Variants in KIF1B observed in about 807,000 individuals in gnomAD.
The protein encoded by KIF1B is kinesin-like protein KIF1B.
KIF1B carries 76 observed loss-of-function variants against 241.9 expected under a neutral mutation model. The ratio of observed to expected loss-of-function variants is 0.31; its 90% confidence interval spans 0.26 to 0.38. KIF1B has a LOEUF of 0.38. Among genes scored for constraint, KIF1B ranks in the 10% least tolerant of loss-of-function variants. The pLI is 1.00. For missense variants in KIF1B, 1,622 were observed against 2,271.4 expected, an observed-to-expected ratio of 0.71 and a Z score of 5.81; for synonymous variants, 750 against 796.7, an observed-to-expected ratio of 0.94 and a Z score of 0.99.
intron 7 of KIF1B, among the ~76,000 whole-genome samples, chr1:10,271,220 A>C (rs1220748813): frequency 6.0e-5 from 9 of 150,454 alleles, no homozygotes; most frequent in Admixed American, 5.3e-4. Context: ...CAAGGGTGTT[A>C]TATGTTGCCA....
intron 22 of KIF1B, among the ~76,000 whole-genome samples, chr1:10,309,372 C>T (rs1375970844): frequency 6.6e-6 from 1 of 152,168 alleles, no homozygotes; most frequent in South Asian, 2.1e-4. Flanking sequence ...TATAGGGTGA[C>T]ACAGAAGATT....
chr1:10,251,714 A>C (rs999286885), intron 2 of KIF1B, among the ~76,000 whole-genome samples: 1 of 151,824 alleles, frequency 6.6e-6, no homozygotes, highest in African/African-American at 2.4e-5. Flanking sequence ...AGCCTGGGCA[A>C]CAAGAGCAAA....
chr1:10,303,708 CGAG>C lies in KIF1B; in HGVS notation c.2115+6466_2115+6468del. 1.2e-6 allele frequency: 2 copies of C among 1,613,970 alleles called. No individual in the cohort carries two copies. Among genetic ancestry groups the C allele is most frequent in the Non-Finnish European group, 1.7e-6 (2 of 1,180,006 alleles). The stretch of plus-strand genomic sequence containing the variant: ...TCAAAAAGCAAAATAACATGAAAGA[CGAG>C]GAGATAAAAGTCTTAAGAAATAAAA... On this transcript the variant is annotated intron_variant, in intron 22 of 48. Coordinates refer to ENST00000676179, the MANE Select transcript of KIF1B (RefSeq NM_001365951.3). The surrounding 1 kb of genome is among the most constrained non-coding windows in gnomAD (Gnocchi z 5.2).
chr1:10,326,464 A>G lies in KIF1B; in HGVS notation c.2924+105A>G, dbSNP rs374049562. On this transcript the variant is annotated intron_variant, in intron 27 of 48. Coordinates refer to ENST00000676179, the MANE Select transcript of KIF1B (RefSeq NM_001365951.3). The surrounding 1 kb of genome is among the most constrained non-coding windows in gnomAD (Gnocchi z 5.2). ...AACCTTGCATTAGCCAATTCAACTC[A>G]TGAATGCTCTTTTTCAAGTTCTCCA... is the stretch of plus-strand genomic sequence containing the variant. The G allele has an allele frequency of 1.1e-4, 150 of 1,398,976 alleles. No homozygotes were observed. The African/African-American group carries it at 1.9e-3, about 18-fold the overall frequency. The allele number at this position is 1,398,976 out of a possible 1,614,324, so 86.7% of individuals were successfully genotyped here.
At position 10,378,428 on chromosome 1, in the gene KIF1B, G is replaced by C. The variant is rs1025629487; in HGVS notation, c.*1841G>C. 1 of 717,896 alleles carries C rather than the reference G, an allele frequency of 1.4e-6. No individual in the cohort carries two copies. Among genetic ancestry groups the C allele is most frequent in the Admixed American group, 2.0e-5 (1 of 50,006 alleles). The allele number at this position is 717,896 out of a possible 1,614,324, so 44.5% of individuals were successfully genotyped here. A position where few individuals can be genotyped will look rare whatever the true frequency, so the allele number is the denominator to read the frequency against. On this transcript the variant is annotated 3_prime_UTR_variant, in exon 49 of 49. Coordinates refer to ENST00000676179, the MANE Select transcript of KIF1B (RefSeq NM_001365951.3). ...GTTTTCCAGGATGAGAGGGGAAAAAGAAAGCCTCCAGTGACTTCAGTTGCT... is the reference window on the plus strand; with the variant it reads ...GTTTTCCAGGATGAGAGGGGAAAAACAAAGCCTCCAGTGACTTCAGTTGCT...
At position 10,313,710 on chromosome 1, in the gene KIF1B, C is replaced by A. The variant is rs1403525177; in HGVS notation, c.2116-6333C>A. On this transcript the variant is annotated intron_variant, in intron 22 of 48. Coordinates refer to ENST00000676179, the MANE Select transcript of KIF1B (RefSeq NM_001365951.3). ...GGACTACAGGTGCCCACCACCACAC[C>A]CGGCTAATTTTTTGTAGTTTTAGTA... Among the ~76,000 whole-genome samples, 3 of 150,180 alleles carry A rather than the reference C, an allele frequency of 2.0e-5. No individual in the cohort carries two copies. In the South Asian group the frequency reaches 6.3e-4, roughly 31 times the overall value.
At chr1:10,347,246 T>C (rs1652621752) in intron 35 of KIF1B, among the ~76,000 whole-genome samples, 1 of 152,188 alleles carries the variant, frequency 6.6e-6, no homozygotes, top group Non-Finnish European at 1.5e-5. Context: ...ATGGTCATCA[T>C]TGGGAAACAC....
intron 24 of KIF1B, 116 bp downstream of exon 24, chr1:10,321,973 A>G (rs972069735): frequency 3.7e-6 from 4 of 1,069,040 alleles, no homozygotes; most frequent in Non-Finnish European, 5.6e-6. Flanking sequence ...GCTTTGTGCT[A>G]TAAAACAGCT....
intron 22 of KIF1B, chr1:10,306,011 G>A: frequency 3.8e-6 from 4 of 1,050,826 alleles, no homozygotes; most frequent in Non-Finnish European, 4.6e-6. Flanking sequence ...ATTCAAGGAA[G>A]CCTTAAAGAT....
At chr1:10,270,524 A>G (rs1648730558) in intron 7 of KIF1B, among the ~76,000 whole-genome samples, 1 of 152,230 alleles carries the variant, frequency 6.6e-6, no homozygotes, top group Non-Finnish European at 1.5e-5. Context: ...ATTATTACAA[A>G]CGAAGCTGAT....
chr1:10,308,414 A>G, intron 22 of KIF1B: 1 of 1,046,338 alleles, frequency 9.6e-7, no homozygotes, highest in Non-Finnish European at 1.2e-6. Flanking sequence ...ATTACTGTAA[A>G]ATGAAGTTTT....
At chr1:10,339,688 A>C (rs1652314915) in intron 31 of KIF1B, 81 bp from the exon 32 acceptor site, 21 of 1,128,922 alleles carry the variant, frequency 1.9e-5, no homozygotes, top group Non-Finnish European at 2.8e-5. Context: ...TTTCTGTAGG[A>C]TCCACATTGG....
At chr1:10,314,574 T>C (rs1651220645) in intron 22 of KIF1B, among the ~76,000 whole-genome samples, 2 of 151,270 alleles carry the variant, frequency 1.3e-5, no homozygotes, top group Non-Finnish European at 2.9e-5. Context: ...TGCCCTCCAC[T>C]AAGTCCGGCT....
chr1:10,339,454 T>C (rs1393371597), intron 31 of KIF1B, among the ~76,000 whole-genome samples: 4 of 152,234 alleles, frequency 2.6e-5, no homozygotes, highest in African/African-American at 9.6e-5. Flanking sequence ...ATTGTTTTTA[T>C]TTTTAGTAAA....
chr1:10,374,520 A>G lies in KIF1B; in HGVS notation c.5096+55A>G, dbSNP rs1638832098. The G allele has an allele frequency of 2.0e-5, 31 of 1,577,046 alleles. No individual in the cohort carries two copies. The South Asian group carries it at 3.1e-4, about 16-fold the overall frequency. On this transcript the variant is annotated intron_variant, in intron 46 of 48. Coordinates refer to ENST00000676179, the MANE Select transcript of KIF1B (RefSeq NM_001365951.3). The surrounding 1 kb of genome is among the most constrained non-coding windows in gnomAD (Gnocchi z 4.3). ...CTATAAAAAACAAATCCACAGGAAG[A>G]AGTGACTGGCCAGCTCTTCCCTGTG...
At chr1:10,256,752 C>T (rs1647809048) in intron 3 of KIF1B, among the ~76,000 whole-genome samples, 1 of 151,452 alleles carries the variant, frequency 6.6e-6, no homozygotes, top group South Asian at 2.1e-4. Flanking sequence ...CACTCTGTCG[C>T]CCAGGCTGGA....
At chr1:10,251,546 C>T (rs1647446822) in intron 2 of KIF1B, among the ~76,000 whole-genome samples, 1 of 151,790 alleles carries the variant, frequency 6.6e-6, no homozygotes. Context: ...AACAGCCTGA[C>T]CAACATGGTG....
At position 10,337,676 on chromosome 1, in the gene KIF1B, C is replaced by T. The variant is rs1652231689; in HGVS notation, c.3422+143C>T. ...AGTCTCTGAAGGAAAATACTTTCAT[C>T]ACTCCTATGGGAGTGAGAACCAGAA... On this transcript the variant is annotated intron_variant, in intron 31 of 48. Transcript: ENST00000676179. The surrounding 1 kb of genome is among the most constrained non-coding windows in gnomAD (Gnocchi z 4.0). The T allele has an allele frequency of 2.1e-6, 2 of 963,900 alleles. No individual in the cohort carries two copies. Among genetic ancestry groups the T allele is most frequent in the Admixed American group, 2.2e-5 (1 of 46,068 alleles). The allele number at this position is 963,900 out of a possible 1,614,324, so 59.7% of individuals were successfully genotyped here.
chr1:10,218,270 AC>A (rs1204448456), intron 1 of KIF1B, among the ~76,000 whole-genome samples: 6 of 151,726 alleles, frequency 4.0e-5, no homozygotes, highest in Non-Finnish European at 7.4e-5. Flanking sequence ...CACACTTCAC[AC>A]TTTTGCAGTA....
Sources: allele counts gnomAD v4.1 joint callset (sites outside exome capture counted in the v4.1 genomes callset), GRCh38; gene constraint gnomAD v4.1.1; non-coding constraint Gnocchi (gnomAD v3.1); transcripts MANE v1.5; gene names NCBI Gene and HGNC (gene_info 2026-07-23, HGNC 2026-07-21).